Variants in SGCZ observed in about 807,000 individuals in gnomAD.
The protein encoded by SGCZ is sarcoglycan zeta, also known as zeta-sarcoglycan.
Under a neutral mutation model 41.3 loss-of-function variants are expected in SGCZ, and 40 were observed. The observed-to-expected ratio is 0.97, with a 90% CI of 0.75 to 1.26. SGCZ has a LOEUF of 1.26. Ranked by LOEUF, SGCZ falls within the 50% of genes most tolerant of loss-of-function variation. SGCZ has a pLI of 0.00. For missense variants in SGCZ, 552 were observed against 369.8 expected (o/e 1.49, Z -4.04); for synonymous variants, 206 against 137.5 (o/e 1.50, Z -3.49).
chr8:14,965,388 A>C (rs1238616274), intron 1 of SGCZ, among the ~76,000 whole-genome samples: 2 of 152,162 alleles, frequency 1.3e-5, no homozygotes, highest in African/African-American at 4.8e-5. Context: ...GAAAATCGAC[A>C]TGAAAGACGG....
chr8:15,046,276 G>C lies in SGCZ; in HGVS notation c.39+191309C>G, dbSNP rs144918015. On this transcript the variant is annotated intron_variant, in intron 1 of 7. Transcript: ENST00000382080. ...GAACGAGTAAGTGCTAGATAAACAA[G>C]TATTTGAGTTATTAGTAAAACAAAT... is the stretch of plus-strand genomic sequence containing the variant. 3.9e-3 allele frequency among the ~76,000 whole-genome samples: 594 copies of C among 152,036 alleles called. 4 individuals are homozygous for C. The highest frequency in any genetic ancestry group is 0.014 in the African/African-American group (569 of 41,508).
At chr8:15,151,528 CTTCT>C (rs1328138392) in intron 1 of SGCZ, among the ~76,000 whole-genome samples, 1 of 152,054 alleles carries the variant, frequency 6.6e-6, no homozygotes, top group Non-Finnish European at 1.5e-5. Context: ...CTAAATAGGA[CTTCT>C]TTAATTTTTA....
At chr8:15,082,539 A>G (rs1008028155) in intron 1 of SGCZ, among the ~76,000 whole-genome samples, 10 of 152,062 alleles carry the variant, frequency 6.6e-5, no homozygotes, top group Non-Finnish European at 2.9e-5. Flanking sequence ...TACAAAATCC[A>G]TGCAAAGGTC....
chr8:15,197,000 G>C (rs542288592), intron 1 of SGCZ, among the ~76,000 whole-genome samples: 1 of 152,330 alleles, frequency 6.6e-6, no homozygotes, highest in African/African-American at 2.4e-5. Flanking sequence ...TAGTCCCAGA[G>C]TGCAAAGAAA....
intron 2 of SGCZ, among the ~76,000 whole-genome samples, chr8:14,385,133 G>A (rs534776298): frequency 3.9e-5 from 6 of 152,178 alleles, no homozygotes; most frequent in Admixed American, 3.3e-4. Context: ...ATCGTTTGGT[G>A]ATTTTCCTGT....
intron 2 of SGCZ, among the ~76,000 whole-genome samples, chr8:14,552,617 T>C (rs554637337): frequency 1.8e-4 from 28 of 152,168 alleles, no homozygotes; most frequent in African/African-American, 5.1e-4. Flanking sequence ...ATTTACATTC[T>C]GGCCAGCTGA....
At position 14,385,353 on chromosome 8, in the gene SGCZ, T is replaced by C. The variant is rs572958245; in HGVS notation, c.235-61149A>G. Among the ~76,000 whole-genome samples, 3 of 152,182 alleles carry C rather than the reference T, an allele frequency of 2.0e-5. No homozygotes were observed. In the South Asian group the frequency reaches 6.2e-4, roughly 32 times the overall value. On this transcript the variant is annotated intron_variant, in intron 2 of 7. Coordinates refer to ENST00000382080, the MANE Select transcript of SGCZ (RefSeq NM_139167.4). ...GAGGAATATGCAAGGTGTGTGTAAA[T>C]AAAATAAAACACTCTAGGATACATG...
intron 2 of SGCZ, among the ~76,000 whole-genome samples, chr8:14,362,801 G>C (rs1368273134): frequency 6.6e-6 from 1 of 150,792 alleles, no homozygotes; most frequent in Non-Finnish European, 1.5e-5. Context: ...CTGTAGACCG[G>C]AGCTGTTCCT....
chr8:14,094,018 C>T (rs190754828), intron 7 of SGCZ, among the ~76,000 whole-genome samples: 3 of 152,180 alleles, frequency 2.0e-5, no homozygotes, highest in Admixed American at 2.0e-4. Context: ...GATGCCTTTT[C>T]TTCACCTTGA....
At position 15,161,992 on chromosome 8, in the gene SGCZ, C is replaced by T. The variant is rs532371292; in HGVS notation, c.39+75593G>A. Reference sequence around the variant, plus strand: ...GTTGCAGTGACCCAAGATTGCACCACGGCACTCCAGCCTGGGTAACAGCGT... The same window carrying T: ...GTTGCAGTGACCCAAGATTGCACCATGGCACTCCAGCCTGGGTAACAGCGT... On this transcript the variant is annotated intron_variant, in intron 1 of 7. Transcript: ENST00000382080. 5.3e-5 allele frequency among the ~76,000 whole-genome samples: 8 copies of T among 152,272 alleles called. 2 individuals are homozygous for T. In the South Asian group the frequency reaches 1.2e-3, roughly 24 times the overall value.
At chr8:15,132,165 A>T (rs1168534011) in intron 1 of SGCZ, among the ~76,000 whole-genome samples, 1 of 152,162 alleles carries the variant, frequency 6.6e-6, no homozygotes, top group Non-Finnish European at 1.5e-5. Flanking sequence ...GTTTCTTTCC[A>T]CATTGCCATT....
At chr8:14,294,205 T>A (rs1226217573) in intron 3 of SGCZ, among the ~76,000 whole-genome samples, 4 of 151,962 alleles carry the variant, frequency 2.6e-5, no homozygotes, top group Non-Finnish European at 5.9e-5. Flanking sequence ...AGTTTTTTAA[T>A]GATAATGTCA....
intron 1 of SGCZ, among the ~76,000 whole-genome samples, chr8:15,208,902 T>TAGAGAGAG (rs35949197): frequency 2.7e-5 from 4 of 149,900 alleles, no homozygotes; most frequent in African/African-American, 9.8e-5. Flanking sequence ...TACATATATA[T>TAGAGAGAG]AGAGAGAGAG....
intron 1 of SGCZ, among the ~76,000 whole-genome samples, chr8:14,919,484 T>C (rs1231004062): frequency 6.6e-6 from 1 of 152,134 alleles, no homozygotes; most frequent in Non-Finnish European, 1.5e-5. Context: ...CAGTGTCAAT[T>C]TGATACATAT....
At chr8:14,228,262 C>T (rs1002274284) in intron 4 of SGCZ, among the ~76,000 whole-genome samples, 4 of 151,972 alleles carry the variant, frequency 2.6e-5, no homozygotes, top group Non-Finnish European at 5.9e-5. Context: ...CAAAGGAAGC[C>T]TCATTAAAAA....
intron 1 of SGCZ, among the ~76,000 whole-genome samples, chr8:14,907,731 T>A (rs1446807500): frequency 1.3e-5 from 2 of 152,022 alleles, no homozygotes; most frequent in Non-Finnish European, 2.9e-5. Flanking sequence ...GTCTTCCCTC[T>A]CTCTCTACAC....
At chr8:14,930,141 G>A (rs1168742318) in intron 1 of SGCZ, among the ~76,000 whole-genome samples, 2 of 151,682 alleles carry the variant, frequency 1.3e-5, no homozygotes, top group Non-Finnish European at 2.9e-5. Flanking sequence ...AAATTTACAA[G>A]AAAAAAACAA....
At chr8:15,159,719 T>TCC (rs1799447223) in intron 1 of SGCZ, among the ~76,000 whole-genome samples, 1 of 23,002 alleles carries the variant, frequency 4.3e-5, no homozygotes, top group Non-Finnish European at 9.0e-5. Context: ...TGTTCCCCCC[T>TCC]CCCTCGCCCC....
intron 1 of SGCZ, among the ~76,000 whole-genome samples, chr8:14,826,955 A>T (rs981974661): frequency 6.6e-6 from 1 of 151,908 alleles, no homozygotes; most frequent in Non-Finnish European, 1.5e-5. Flanking sequence ...CCCATTTGTC[A>T]ATTTTGGCTT....
Sources: allele counts gnomAD v4.1 joint callset (sites outside exome capture counted in the v4.1 genomes callset), GRCh38; gene constraint gnomAD v4.1.1; transcripts MANE v1.5; gene names NCBI Gene and HGNC (gene_info 2026-07-23, HGNC 2026-07-21).